STS: variants seen among roughly 807,000 people sequenced by gnomAD.
The protein encoded by STS is steryl-sulfatase.
In STS, 7 loss-of-function variants were observed where a neutral mutation model predicts 26.8. The ratio of observed to expected loss-of-function variants is 0.26; its 90% confidence interval spans 0.15 to 0.49. The LOEUF (loss-of-function observed/expected upper bound fraction) is 0.49, where lower values mean the gene tolerates loss of function less well. Ranked by LOEUF, STS falls within the 20% of genes least tolerant of loss-of-function variation. The pLI is 0.98. For synonymous variants in STS, 199 were observed against 189.4 expected, an observed-to-expected ratio of 1.05 and a Z score of -0.42; for missense variants, 434 against 465.6, an observed-to-expected ratio of 0.93 and a Z score of 0.63.
chrX:7,349,946 C>A lies in STS; in HGVS notation c.1422C>A (p.Asn474Lys), dbSNP rs755417956. The change falls in exon 11 of 11, where the codon AAC becomes AAA. Residue 474 changes from asparagine (N) to lysine (K), a missense_variant. Transcript: ENST00000674429. ...FTPNFNPVGS[N>K]GCFATHVCFC... ...CCAACTTCAACCCCGTGGGTTCCAACGGATGCTTTGCCACACACGTGTGCT... is the reference window on the plus strand; with the variant it reads ...CCAACTTCAACCCCGTGGGTTCCAAAGGATGCTTTGCCACACACGTGTGCT... 2.5e-6 allele frequency: 3 copies of A among 1,211,838 alleles called. No individual in the cohort carries two copies. The highest frequency in any genetic ancestry group is 4.3e-5 in the Admixed American group (2 of 46,048).
At position 7,169,147 on chromosome X, in the gene STS, C is replaced by T. The variant is rs145944319; in HGVS notation, c.-134+21064C>T. Among the ~76,000 whole-genome samples, 668 of 110,770 alleles carry T rather than the reference C, an allele frequency of 6.0e-3. 3 individuals are homozygous for T. The highest frequency in any genetic ancestry group is 0.02 in the African/African-American group (603 of 30,397). The stretch of plus-strand genomic sequence containing the variant: ...ACAGCGATTCCACATTCCTCCCATA[C>T]CCCCACCCCTGGGAAACCATCAGTC... On this transcript the variant is annotated intron_variant, in intron 1 of 10. Coordinates refer to ENST00000674429, the MANE Select transcript of STS (RefSeq NM_001320752.2).
intron 6 of STS, among the ~76,000 whole-genome samples, chrX:7,260,114 A>G (rs1479459775): frequency 1.8e-5 from 2 of 112,012 alleles, no homozygotes; most frequent in South Asian, 3.7e-4. Flanking sequence ...TGACCTCGTG[A>G]TCCGCCCGCC....
chrX:7,153,735 T>C (rs1933075283), intron 1 of STS, among the ~76,000 whole-genome samples: 1 of 84,299 alleles, frequency 1.2e-5, no homozygotes, highest in Admixed American at 1.5e-4. Context: ...CCTCCTCGAC[T>C]CCTTCCCTCT....
intron 1 of STS, among the ~76,000 whole-genome samples, chrX:7,153,057 T>G: frequency 8.9e-6 from 1 of 111,908 alleles, no homozygotes. Flanking sequence ...GACCTTACCA[T>G]GCATTCGAAT....
chrX:7,299,585 T>A (rs1925866531), intron 7 of STS, among the ~76,000 whole-genome samples: 1 of 109,725 alleles, frequency 9.1e-6, no homozygotes, highest in African/African-American at 3.3e-5. Context: ...AGCACTTTGC[T>A]CCAGTATTCT....
intron 7 of STS, among the ~76,000 whole-genome samples, chrX:7,295,745 G>A (rs920900994): frequency 9.0e-6 from 1 of 111,008 alleles, no homozygotes; most frequent in Admixed American, 9.7e-5. Flanking sequence ...TCATCCTGGA[G>A]TTAGGAGGAT....
At chrX:7,303,893 C>G (rs751047977) in intron 7 of STS, among the ~76,000 whole-genome samples, 1 of 111,823 alleles carries the variant, frequency 8.9e-6, no homozygotes, top group African/African-American at 3.2e-5. Flanking sequence ...ATGCCCTTCA[C>G]TCATATTTAA....
chrX:7,289,799 C>T (rs372400524), intron 7 of STS, among the ~76,000 whole-genome samples: 3 of 111,630 alleles, frequency 2.7e-5, no homozygotes, highest in African/African-American at 9.8e-5. Flanking sequence ...CATGTGCCAC[C>T]ATGCCCAGCT....
intron 1 of STS, among the ~76,000 whole-genome samples, chrX:7,167,882 C>T (rs1340320016): frequency 1.8e-5 from 2 of 108,648 alleles, no homozygotes; most frequent in African/African-American, 6.7e-5. Flanking sequence ...TTTGTAGATA[C>T]AGGGTCTTGC....
intron 1 of STS, among the ~76,000 whole-genome samples, chrX:7,180,707 G>A (rs1933663916): frequency 8.9e-6 from 1 of 112,376 alleles, no homozygotes; most frequent in Non-Finnish European, 1.9e-5. Flanking sequence ...TTACTGTAGT[G>A]TGGGGGAGTG....
At chrX:7,176,085 C>A in intron 1 of STS, among the ~76,000 whole-genome samples, 1 of 111,744 alleles carries the variant, frequency 8.9e-6, no homozygotes, top group Non-Finnish European at 1.9e-5. Flanking sequence ...TAGTTTATCT[C>A]CTTTCCATTC....
At chrX:7,298,877 G>C (rs1256862412) in intron 7 of STS, among the ~76,000 whole-genome samples, 1 of 106,674 alleles carries the variant, frequency 9.4e-6, no homozygotes, top group Non-Finnish European at 1.9e-5. Flanking sequence ...TAAGTGAAGA[G>C]GCTTTCTTAA....
intron 7 of STS, among the ~76,000 whole-genome samples, chrX:7,285,520 A>G (rs1444181988): frequency 1.8e-5 from 2 of 111,907 alleles, no homozygotes; most frequent in Non-Finnish European, 3.8e-5. Context: ...AAAGACTTAA[A>G]AAGCATGTGC....
chrX:7,184,303 C>T (rs1358700442), intron 1 of STS, among the ~76,000 whole-genome samples: 5 of 112,539 alleles, frequency 4.4e-5, no homozygotes, highest in Non-Finnish European at 5.6e-5. Flanking sequence ...TATAGTTAGG[C>T]TCAACTACCA....
chrX:7,325,791 G>C (rs1327258974), intron 9 of STS, among the ~76,000 whole-genome samples: 1 of 112,153 alleles, frequency 8.9e-6, no homozygotes, highest in Admixed American at 9.4e-5. Context: ...GGAGGGAAAG[G>C]TCTGACCTCA....
chrX:7,288,639 CGTGTGTGTGTGTGTGT>C (rs58375124), intron 7 of STS, among the ~76,000 whole-genome samples: 5 of 89,560 alleles, frequency 5.6e-5, no homozygotes, highest in Admixed American at 1.3e-4. Context: ...AAATTCTGTA[CGTGTGTGTGTGTGTGT>C]GTGTGTGTGT....
At chrX:7,261,520 A>C (rs184379489) in intron 6 of STS, among the ~76,000 whole-genome samples, 97 of 111,906 alleles carry the variant, frequency 8.7e-4, no homozygotes, top group Non-Finnish European at 1.2e-3. Flanking sequence ...AACGTACTCT[A>C]TGAAAATTAT....
intron 2 of STS, among the ~76,000 whole-genome samples, chrX:7,213,930 A>G (rs1374800814): frequency 2.7e-5 from 3 of 110,385 alleles, no homozygotes; most frequent in African/African-American, 9.9e-5. Flanking sequence ...AAAATATTAA[A>G]AAGTTAGCCA....
intron 2 of STS, among the ~76,000 whole-genome samples, chrX:7,210,024 T>C (rs186521005): frequency 8.9e-5 from 10 of 111,941 alleles, no homozygotes; most frequent in African/African-American, 2.9e-4. Context: ...CAGTCTATCA[T>C]TGATGGGCAT....
Sources: allele counts gnomAD v4.1 joint callset (sites outside exome capture counted in the v4.1 genomes callset), GRCh38; gene constraint gnomAD v4.1.1; transcripts MANE v1.5; gene names NCBI Gene and HGNC (gene_info 2026-07-23, HGNC 2026-07-21).